FRAS1: variants seen among roughly 807,000 people sequenced by gnomAD.
The protein encoded by FRAS1 is Fraser extracellular matrix complex subunit 1.
In FRAS1, 290 loss-of-function variants were observed where a neutral mutation model predicts 435.2. The observed-to-expected ratio is 0.67, with a 90% CI of 0.61 to 0.73. FRAS1 has a LOEUF of 0.73. Among genes scored for constraint, FRAS1 ranks in the 30% least tolerant of loss-of-function variants. The pLI is 0.00. For missense variants in FRAS1, 4,860 were observed against 5,001.5 expected (o/e 0.97, Z 0.85); for synonymous variants, 1,800 against 1,851.0 (o/e 0.97, Z 0.71).
chr4:78,384,196 G>T, intron 28 of FRAS1, 53 bp downstream of exon 28: 1 of 1,203,462 alleles, frequency 8.3e-7, no homozygotes, highest in Non-Finnish European at 1.2e-6. Context: ...TAGTTCTCAA[G>T]CACGAAATCT....
chr4:78,425,421 G>T (rs1733961137), intron 35 of FRAS1, among the ~76,000 whole-genome samples: 1 of 152,148 alleles, frequency 6.6e-6, no homozygotes, highest in African/African-American at 2.4e-5. Context: ...TCTTGTTTAG[G>T]TCTATAGTGA....
At chr4:78,116,026 T>G (rs1357782394) in intron 2 of FRAS1, among the ~76,000 whole-genome samples, 1 of 152,208 alleles carries the variant, frequency 6.6e-6, no homozygotes, top group Non-Finnish European at 1.5e-5. Flanking sequence ...TCTGGTATGT[T>G]GTGTCTTTGT....
chr4:78,273,002 G>T (rs1402158300), intron 9 of FRAS1, among the ~76,000 whole-genome samples: 3 of 152,124 alleles, frequency 2.0e-5, no homozygotes, highest in Non-Finnish European at 4.4e-5. Flanking sequence ...TCAGTGGTTT[G>T]TAGTTCTCCT....
chr4:78,097,868 C>T (rs1290542950), intron 2 of FRAS1, among the ~76,000 whole-genome samples: 1 of 151,766 alleles, frequency 6.6e-6, no homozygotes, highest in African/African-American at 2.4e-5. Flanking sequence ...TAAAATGAGG[C>T]CTTATAAGAA....
intron 6 of FRAS1, among the ~76,000 whole-genome samples, chr4:78,261,287 C>G (rs992842007): frequency 2.6e-5 from 4 of 151,850 alleles, no homozygotes; most frequent in African/African-American, 9.7e-5. Flanking sequence ...ATTCTTGCAT[C>G]TTACTGAACT....
intron 2 of FRAS1, among the ~76,000 whole-genome samples, chr4:78,102,390 A>G (rs7699864): frequency 0.91 from 138,824 of 152,168 alleles, 63,501 homozygotes; most frequent in Admixed American, 0.95. Context: ...AATTCTTTAG[A>G]TATCAAAATG....
intron 2 of FRAS1, among the ~76,000 whole-genome samples, chr4:78,222,802 G>T: frequency 6.6e-6 from 1 of 152,136 alleles, no homozygotes; most frequent in East Asian, 1.9e-4. Context: ...TTCAACTTCC[G>T]CTGCATTTTG....
At chr4:78,248,761 T>A (rs1560602265) in intron 4 of FRAS1, among the ~76,000 whole-genome samples, 1 of 152,020 alleles carries the variant, frequency 6.6e-6, no homozygotes, top group Non-Finnish European at 1.5e-5. Flanking sequence ...GCAAATGCTT[T>A]TTGACCTTAT....
intron 2 of FRAS1, among the ~76,000 whole-genome samples, chr4:78,218,096 T>TCACACACACACA (rs1331078788): frequency 0.017 from 177 of 10,718 alleles, 4 homozygotes; most frequent in Non-Finnish European, 0.025. Context: ...TCTCACTCTC[T>TCACACACACACA]CTCACACACA....
chr4:78,333,234 C>A, intron 18 of FRAS1, 38 bp from the exon 19 acceptor site: 1 of 1,585,300 alleles, frequency 6.3e-7, no homozygotes. Flanking sequence ...TCACGTGGGG[C>A]TTTCCTGATT....
intron 2 of FRAS1, among the ~76,000 whole-genome samples, chr4:78,074,937 G>C (rs1221621404): frequency 2.6e-5 from 4 of 152,180 alleles, no homozygotes; most frequent in Non-Finnish European, 5.9e-5. Context: ...GGAAGAGTTA[G>C]GCATTCACAG....
At position 78,494,294 on chromosome 4, in the gene FRAS1, T is replaced by C. The variant is rs373467769; in HGVS notation, c.8959-2511T>C. ...ATTTTATGGTATATGTCTTAGTCGATTTGCATTGCTATAAAGGAATACCTG... is the reference window on the plus strand; with the variant it reads ...ATTTTATGGTATATGTCTTAGTCGACTTGCATTGCTATAAAGGAATACCTG... On this transcript the variant is annotated intron_variant, in intron 59 of 73. Transcript: ENST00000512123. 1.2e-4 allele frequency among the ~76,000 whole-genome samples: 19 copies of C among 152,308 alleles called. No individual in the cohort carries two copies. In the East Asian group the frequency reaches 3.1e-3, roughly 25 times the overall value.
chr4:78,104,538 T>C (rs868806206), intron 2 of FRAS1, among the ~76,000 whole-genome samples: 1 of 152,252 alleles, frequency 6.6e-6, no homozygotes, highest in South Asian at 2.1e-4. Flanking sequence ...CTAGCAAGAT[T>C]AAATGGTTCA....
chr4:78,193,737 T>C (rs1722661820), intron 2 of FRAS1, among the ~76,000 whole-genome samples: 1 of 152,242 alleles, frequency 6.6e-6, no homozygotes, highest in African/African-American at 2.4e-5. Context: ...TTTGCCAGTC[T>C]GTGTCTTTTA....
At chr4:78,429,053 T>TGTGTGTGA in intron 35 of FRAS1, 42 bp from the exon 36 acceptor site, 1 of 1,542,728 alleles carries the variant, frequency 6.5e-7, no homozygotes, top group Non-Finnish European at 8.8e-7. Flanking sequence ...TCTCTGTGTG[T>TGTGTGTGA]GTGTGTGTGT....
intron 22 of FRAS1, among the ~76,000 whole-genome samples, chr4:78,368,698 A>C (rs759281368): frequency 3.9e-5 from 6 of 152,240 alleles, no homozygotes; most frequent in Non-Finnish European, 5.9e-5. Flanking sequence ...CATGAAAAAC[A>C]TGTAGAGCAT....
At chr4:78,446,048 T>G in intron 42 of FRAS1, 1 of 1,187,938 alleles carries the variant, frequency 8.4e-7, no homozygotes, top group Non-Finnish European at 1.0e-6. Flanking sequence ...TGGTTCTATA[T>G]GCATATTTGC....
At position 78,446,735 on chromosome 4, in the gene FRAS1, C is replaced by T. The variant is rs201750748; in HGVS notation, c.5865C>T (p.Asn1955=). The T allele has an allele frequency of 4.3e-4, 701 of 1,612,530 alleles. No individual in the cohort carries two copies. Among genetic ancestry groups the T allele is most frequent in the Non-Finnish European group, 5.6e-4 (666 of 1,179,424 alleles). ...GTTTATGCTTTAATCAGAGGAAGAA[C>T]GATGAGCCTCCCAGGATGACCTTGC... ...HSINITIERK[N]DEPPRMTLQP... Residue 1955 remains asparagine, a synonymous_variant, in exon 43 of 74, where the codon AAC becomes AAT. Transcript: ENST00000512123.
At chr4:78,506,758 CAA>C (rs386676427) in intron 61 of FRAS1, among the ~76,000 whole-genome samples, 1 of 152,150 alleles carries the variant, frequency 6.6e-6, no homozygotes, top group Admixed American at 6.5e-5. Context: ...TGGGCTGCAC[CAA>C]TGTCCAACCA....
Sources: allele counts gnomAD v4.1 joint callset (sites outside exome capture counted in the v4.1 genomes callset), GRCh38; gene constraint gnomAD v4.1.1; transcripts MANE v1.5; gene names NCBI Gene and HGNC (gene_info 2026-07-23, HGNC 2026-07-21).